Variants in HSDL1 observed in about 807,000 individuals in gnomAD.
HSDL1 encodes inactive hydroxysteroid dehydrogenase-like protein 1.
HSDL1 carries 29 observed loss-of-function variants against 31.5 expected under a neutral mutation model. The observed-to-expected ratio is 0.92, with a 90% CI of 0.69 to 1.26. HSDL1 has a LOEUF of 1.26. HSDL1 is among the 50% of genes most tolerant of loss of function. The probability of loss-of-function intolerance (pLI) is 0.00; values close to 1 mark genes in which losing one functional copy is unlikely to be tolerated. For synonymous variants in HSDL1, 222 were observed against 155.2 expected (o/e 1.43, Z -3.20); for missense variants, 503 against 416.6 (o/e 1.21, Z -1.81).
chr16:84,129,076 T>G (rs1459199455), intron 5 of HSDL1, among the ~76,000 whole-genome samples: 2 of 152,066 alleles, frequency 1.3e-5, no homozygotes, highest in Admixed American at 1.3e-4. Context: ...GGTAATAATT[T>G]CACAAAAGAA....
At chr16:84,142,430 CTT>C (rs34954052) in intron 1 of HSDL1, among the ~76,000 whole-genome samples, 8 of 81,414 alleles carry the variant, frequency 9.8e-5, no homozygotes, top group African/African-American at 3.8e-4. Context: ...TCTCACACAT[CTT>C]TTTTTTTTTT....
chr16:84,131,059 C>T (rs747059382), intron 3 of HSDL1, 43 bp downstream of exon 3: 32 of 1,482,232 alleles, frequency 2.2e-5, no homozygotes, highest in African/African-American at 5.6e-5. Flanking sequence ...AATAATGCAT[C>T]CGACTTCACA....
intron 1 of HSDL1, among the ~76,000 whole-genome samples, chr16:84,142,977 G>A (rs961271270): frequency 3.9e-5 from 6 of 152,172 alleles, no homozygotes; most frequent in Admixed American, 1.3e-4. Flanking sequence ...ATGAAGCTGA[G>A]CCTAAAGAGC....
rs1290963426 is a variant in HSDL1 at position 84,145,133 on chromosome 16, GCCCC to G, written c.-126_-123del. ...GTCCCGCCAGACCCGCGCGGCCGCC[GCCCC>G]CGTCTCGGCCGCCGGAGCTGCTGCC... On this transcript the variant is annotated 5_prime_UTR_variant, in exon 1 of 6. Transcript: ENST00000219439. The G allele has an allele frequency of 4.1e-5, 8 of 193,200 alleles. No individual in the cohort carries two copies. Among genetic ancestry groups the G allele is most frequent in the African/African-American group, 1.6e-4 (7 of 42,702 alleles). The allele number at this position is 193,200 out of a possible 1,614,324, so 12.0% of individuals were successfully genotyped here.
chr16:84,133,372 A>G (rs1233883283), intron 2 of HSDL1, among the ~76,000 whole-genome samples: 1 of 152,216 alleles, frequency 6.6e-6, no homozygotes, highest in African/African-American at 2.4e-5. Context: ...AAAGTTTCAT[A>G]CTGGTACCGT....
At chr16:84,131,683 T>TA (rs2086668789) in intron 2 of HSDL1, among the ~76,000 whole-genome samples, 2 of 77,194 alleles carry the variant, frequency 2.6e-5, no homozygotes, top group East Asian at 6.7e-4. Context: ...CCCGGCTAAT[T>TA]TTTTTTTTTT....
intron 1 of HSDL1, among the ~76,000 whole-genome samples, chr16:84,138,619 T>C (rs950288950): frequency 1.3e-5 from 2 of 152,204 alleles, no homozygotes; most frequent in Non-Finnish European, 2.9e-5. Context: ...TTCGATGAAG[T>C]TGGAAAAATA....
At chr16:84,137,208 G>T (rs2086720867) in intron 1 of HSDL1, among the ~76,000 whole-genome samples, 1 of 152,246 alleles carries the variant, frequency 6.6e-6, no homozygotes, top group Admixed American at 6.5e-5. Flanking sequence ...AATGGGTCTT[G>T]AAGTGTGAGC....
intron 2 of HSDL1, among the ~76,000 whole-genome samples, chr16:84,134,058 C>G (rs2086690924): frequency 6.6e-6 from 1 of 152,196 alleles, no homozygotes; most frequent in Non-Finnish European, 1.5e-5. Context: ...ACCAATACCC[C>G]TTACTGCTCC....
At chr16:84,142,723 G>C (rs373761213) in intron 1 of HSDL1, among the ~76,000 whole-genome samples, 1 of 152,026 alleles carries the variant, frequency 6.6e-6, no homozygotes, top group Non-Finnish European at 1.5e-5. Flanking sequence ...GGATGTGACC[G>C]GCCGGATCTC....
intron 1 of HSDL1, among the ~76,000 whole-genome samples, chr16:84,140,118 T>G (rs2086752241): frequency 6.6e-6 from 1 of 152,048 alleles, no homozygotes; most frequent in Non-Finnish European, 1.5e-5. Context: ...CCTCTCCACC[T>G]CTCTTACCCA....
intron 4 of HSDL1, 26 bp from the exon 5 acceptor site, chr16:84,129,801 A>G: frequency 6.4e-7 from 1 of 1,568,912 alleles, no homozygotes; most frequent in South Asian, 1.1e-5. Context: ...GGAGGAAAAG[A>G]CTTTTAATTC....
chr16:84,130,243 G>T lies in HSDL1; in HGVS notation c.409C>A (p.Arg137=). Residue 137 remains arginine, a synonymous_variant, in exon 4 of 6, where the codon CGA becomes AGA. Transcript: ENST00000219439. ...ACGTCTTTGTCCTTCAGGGCTTCTC[G>T]AATTGGAAGGTAGATCTCACGACCG... is the stretch of plus-strand genomic sequence containing the variant. ...SSGREIYLPI[R]EALKDKDVGI... 2 of 1,614,184 alleles carry T rather than the reference G, an allele frequency of 1.2e-6. No individual in the cohort carries two copies. Among genetic ancestry groups the T allele is most frequent in the East Asian group, 2.2e-5 (1 of 44,886 alleles).
chr16:84,124,727 A>C lies in HSDL1; in HGVS notation c.896T>G (p.Phe299Cys), dbSNP rs1244703508. Residue 299 changes from phenylalanine (F) to cysteine (C), a missense_variant and splice_region_variant, in exon 6 of 6, where the codon TTT becomes TGT. Transcript: ENST00000219439. Reference protein sequence around the residue: ...TTGYWSHSIQFLFAQYMPEWL... With the variant: ...TTGYWSHSIQCLFAQYMPEWL... ...TTCAGGCATATACTGTGCAAAAAGA[A>C]ACTAAAAATGAAAGAGAAAAAGGTT... The C allele has an allele frequency of 2.5e-6, 4 of 1,610,006 alleles. No individual in the cohort carries two copies. The highest frequency in any genetic ancestry group is 1.7e-6 in the Non-Finnish European group (2 of 1,176,346).
chr16:84,143,831 T>C (rs1335998474), intron 1 of HSDL1, among the ~76,000 whole-genome samples: 27 of 144,506 alleles, frequency 1.9e-4, no homozygotes, highest in Admixed American at 3.4e-4. Flanking sequence ...ACCCCGTCTC[T>C]ACTAAAAAAA....
intron 5 of HSDL1, among the ~76,000 whole-genome samples, chr16:84,128,086 C>T (rs1445752204): frequency 1.3e-5 from 2 of 151,042 alleles, no homozygotes; most frequent in African/African-American, 4.8e-5. Flanking sequence ...ATCAGGAGTT[C>T]GAGACCAGCC....
intron 5 of HSDL1, among the ~76,000 whole-genome samples, chr16:84,125,586 A>G (rs2086598570): frequency 1.3e-5 from 2 of 152,236 alleles, no homozygotes; most frequent in African/African-American, 4.8e-5. Flanking sequence ...CAGTCACAAC[A>G]AATACCCACC....
chr16:84,132,979 GAA>G (rs35217885), intron 2 of HSDL1, among the ~76,000 whole-genome samples: 2 of 131,218 alleles, frequency 1.5e-5, no homozygotes, highest in African/African-American at 5.7e-5. Context: ...CTTTAAAATA[GAA>G]AAAAAAAAAA....
chr16:84,129,140 T>G (rs1441562597), intron 5 of HSDL1, among the ~76,000 whole-genome samples: 1 of 152,108 alleles, frequency 6.6e-6, no homozygotes, highest in African/African-American at 2.4e-5. Context: ...CTCAGCACTT[T>G]GGGAGGCTGA....
Sources: allele counts gnomAD v4.1 joint callset (sites outside exome capture counted in the v4.1 genomes callset), GRCh38; gene constraint gnomAD v4.1.1; transcripts MANE v1.5; gene names NCBI Gene and HGNC (gene_info 2026-07-23, HGNC 2026-07-21).